Variants in SLC39A10 observed in about 807,000 individuals in gnomAD.
SLC39A10 encodes solute carrier family 39 member 10, also known as zinc transporter ZIP10.
In SLC39A10, 13 loss-of-function variants were observed where a neutral mutation model predicts 65.1. The ratio of observed to expected loss-of-function variants is 0.20; its 90% CI spans 0.13 to 0.32. The LOEUF is 0.32. Ranked by LOEUF, SLC39A10 falls within the 10% of genes least tolerant of loss-of-function variation. The pLI is 1.00. For synonymous variants in SLC39A10, 321 were observed against 342.2 expected, an observed-to-expected ratio of 0.94 and a Z score of 0.68; for missense variants, 831 against 1,018.4, an observed-to-expected ratio of 0.82 and a Z score of 2.50.
At chr2:195,713,304 C>A (rs2105820532) in intron 5 of SLC39A10, 129 bp from the exon 6 acceptor site, 1 of 716,916 alleles carries the variant, frequency 1.4e-6, no homozygotes, top group South Asian at 4.2e-5. Context: ...TTTTTCACGC[C>A]CCTTTAAAAT....
At chr2:195,688,412 A>G (rs1250730516) in intron 3 of SLC39A10, among the ~76,000 whole-genome samples, 2 of 152,196 alleles carry the variant, frequency 1.3e-5, no homozygotes, top group Non-Finnish European at 2.9e-5. Context: ...ATAACATGGG[A>G]AAGTATTTTA....
At chr2:195,618,365 AAAAG>A (rs1306492393) in intron 2 of SLC39A10, among the ~76,000 whole-genome samples, 2 of 151,882 alleles carry the variant, frequency 1.3e-5, no homozygotes, top group African/African-American at 2.4e-5. Context: ...AAAAAAAAAA[AAAAG>A]AGAGAGAAAA....
chr2:195,629,595 T>C (rs981699679), intron 2 of SLC39A10, among the ~76,000 whole-genome samples: 1 of 152,186 alleles, frequency 6.6e-6, no homozygotes, highest in Non-Finnish European at 1.5e-5. Context: ...CAATATTGTC[T>C]GAATACAACC....
chr2:195,715,296 G>C (rs1213047839), intron 6 of SLC39A10, among the ~76,000 whole-genome samples: 7 of 151,916 alleles, frequency 4.6e-5, no homozygotes, highest in African/African-American at 1.7e-4. Flanking sequence ...GGGAGGCCAA[G>C]GTGGGCAGAT....
At chr2:195,669,474 T>A (rs1340249136) in intron 1 of SLC39A10, among the ~76,000 whole-genome samples, 1 of 152,188 alleles carries the variant, frequency 6.6e-6, no homozygotes, top group African/African-American at 2.4e-5. Context: ...TTTAGCTAAA[T>A]ACACCTGAGG....
intron 7 of SLC39A10, 117 bp downstream of exon 7, chr2:195,717,122 TC>T: frequency 7.3e-7 from 1 of 1,368,512 alleles, no homozygotes; most frequent in Non-Finnish European, 9.8e-7. Flanking sequence ...AGTTGATTTT[TC>T]CCAAAGGCTA....
intron 2 of SLC39A10, among the ~76,000 whole-genome samples, chr2:195,623,869 A>G (rs756378323): frequency 7.3e-5 from 11 of 151,068 alleles, no homozygotes; most frequent in Non-Finnish European, 1.2e-4. Context: ...ATTTATTAAA[A>G]AAAATAACAA....
intron 1 of SLC39A10, among the ~76,000 whole-genome samples, chr2:195,670,169 T>C (rs1461850647): frequency 6.6e-6 from 1 of 150,722 alleles, no homozygotes; most frequent in Non-Finnish European, 1.5e-5. Flanking sequence ...AAAAATAAAA[T>C]AAAAAAGTTT....
chr2:195,716,688 C>T lies in SLC39A10; in HGVS notation c.1748C>T (p.Thr583Ile). 6.2e-7 allele frequency: 1 copy of T among 1,613,418 alleles called. No homozygotes were observed. Among genetic ancestry groups the T allele is most frequent in the Non-Finnish European group, 8.5e-7 (1 of 1,179,672 alleles). The part of the protein sequence containing the change: ...SEDRLNETEL[T>I]DLEGQQESPP... ...GATCGACTTAATGAAACTGAACTGA[C>T]AGATTTAGAAGGCCAACAAGAATCC... Residue 583 changes from threonine (T) to isoleucine (I), a missense_variant, in exon 7 of 10, where the codon ACA becomes ATA. Around this residue, in one of 4 missense-constraint regions of SLC39A10, gnomAD observed 230 missense variants for 242.9 expected, o/e 0.95. Transcript: ENST00000359634.
intron 2 of SLC39A10, among the ~76,000 whole-genome samples, chr2:195,619,397 A>G (rs1188899433): frequency 6.6e-6 from 1 of 152,200 alleles, no homozygotes; most frequent in Non-Finnish European, 1.5e-5. Flanking sequence ...AAGAATCCAG[A>G]CTGAGGAGTT....
chr2:195,630,172 G>GAGACA (rs1688558743), intron 2 of SLC39A10, among the ~76,000 whole-genome samples: 1 of 141,328 alleles, frequency 7.1e-6, no homozygotes, highest in African/African-American at 2.7e-5. Context: ...TTAATAAACT[G>GAGACA]AGACAAGTTT....
At chr2:195,621,485 G>A (rs1205889243) in intron 2 of SLC39A10, among the ~76,000 whole-genome samples, 2 of 152,128 alleles carry the variant, frequency 1.3e-5, no homozygotes, top group African/African-American at 4.8e-5. Flanking sequence ...TCAGCGTAGG[G>A]GCAAGGACTG....
chr2:195,720,822 A>C (rs1248522985), intron 8 of SLC39A10, among the ~76,000 whole-genome samples: 1 of 152,130 alleles, frequency 6.6e-6, no homozygotes, highest in African/African-American at 2.4e-5. Flanking sequence ...TAGTCTTTAT[A>C]TCTCTGGTTT....
intron 9 of SLC39A10, among the ~76,000 whole-genome samples, chr2:195,729,961 ATTTTTTTT>A (rs58936616): frequency 9.8e-5 from 9 of 92,136 alleles, no homozygotes; most frequent in Non-Finnish European, 1.4e-4. Context: ...ACCATGCCTA[ATTTTTTTT>A]TTTTTTTTTT....
At chr2:195,663,434 T>C (rs200457874) in intron 1 of SLC39A10, among the ~76,000 whole-genome samples, 1 of 152,190 alleles carries the variant, frequency 6.6e-6, no homozygotes, top group African/African-American at 2.4e-5. Flanking sequence ...TTAAATACTT[T>C]ATCAATATAA....
chr2:195,695,983 C>T (rs1574282292), intron 3 of SLC39A10, among the ~76,000 whole-genome samples: 1 of 152,038 alleles, frequency 6.6e-6, no homozygotes, highest in South Asian at 2.1e-4. Context: ...AATAAGAGTC[C>T]AACTGCTTTC....
At chr2:195,690,336 A>C (rs1040526722) in intron 3 of SLC39A10, among the ~76,000 whole-genome samples, 7 of 152,154 alleles carry the variant, frequency 4.6e-5, no homozygotes, top group Non-Finnish European at 1.0e-4. Flanking sequence ...GTTGCTGTGA[A>C]CATGGGCATC....
intron 2 of SLC39A10, among the ~76,000 whole-genome samples, chr2:195,633,303 G>A (rs992411450): frequency 2.0e-5 from 3 of 152,258 alleles, no homozygotes; most frequent in African/African-American, 7.2e-5. Context: ...GTGGGAGGGA[G>A]CACGCAGGTG....
At position 195,687,013 on chromosome 2, in the gene SLC39A10, T is replaced by G. The variant is rs146335500; in HGVS notation, c.1216+3107T>G. Among the ~76,000 whole-genome samples, 325 of 152,220 alleles carry G rather than the reference T, an allele frequency of 2.1e-3. 1 individual carries two copies. The highest frequency in any genetic ancestry group is 7.3e-3 in the African/African-American group (304 of 41,540). On this transcript the variant is annotated intron_variant, in intron 3 of 9. Transcript: ENST00000359634. The stretch of plus-strand genomic sequence containing the variant: ...AAGAATGGTCTTCTTGGTAAACAAG[T>G]GGGGCTCTCTGGTAAGATGAGTAAA...
Sources: allele counts gnomAD v4.1 joint callset (sites outside exome capture counted in the v4.1 genomes callset), GRCh38; gene constraint gnomAD v4.1.1; regional missense constraint gnomAD v4.1.1; transcripts MANE v1.5; gene names NCBI Gene and HGNC (gene_info 2026-07-23, HGNC 2026-07-21).